MRTFA: variants seen among roughly 807,000 people sequenced by gnomAD.
MRTFA encodes myocardin related transcription factor A.
Under a neutral mutation model 83.5 loss-of-function variants are expected in MRTFA, and 20 were observed. The ratio of observed to expected loss-of-function variants is 0.24; its 90% CI spans 0.17 to 0.35. The LOEUF (loss-of-function observed/expected upper bound fraction) is 0.35, where lower values mean the gene tolerates loss of function less well. Among genes scored for constraint, MRTFA ranks in the 10% least tolerant of loss-of-function variants. The probability of loss-of-function intolerance (pLI) is 1.00; values close to 1 mark genes in which losing one functional copy is unlikely to be tolerated. For synonymous variants in MRTFA, 659 were observed against 541.2 expected (o/e 1.22, Z -3.02); for missense variants, 1,200 against 1,224.7 (o/e 0.98, Z 0.30).
At chr22:40,543,277 A>G (rs1439081924) in intron 3 of MRTFA, among the ~76,000 whole-genome samples, 1 of 152,212 alleles carries the variant, frequency 6.6e-6, no homozygotes, top group Non-Finnish European at 1.5e-5. Context: ...TACTTCTCCC[A>G]GCAATTAATT....
intron 1 of MRTFA, among the ~76,000 whole-genome samples, chr22:40,615,541 G>A (rs565530707): frequency 1.3e-5 from 2 of 152,144 alleles, no homozygotes; most frequent in African/African-American, 4.8e-5. Context: ...ACAATCTTTA[G>A]ATTATTTGGG....
chr22:40,572,480 T>C, intron 2 of MRTFA, among the ~76,000 whole-genome samples: 1 of 149,312 alleles, frequency 6.7e-6, no homozygotes, highest in East Asian at 2.0e-4. Flanking sequence ...AATGAAACCC[T>C]ATCTCTTAAA....
At chr22:40,591,601 A>ACCC (rs1376797624) in intron 2 of MRTFA, among the ~76,000 whole-genome samples, 7 of 152,206 alleles carry the variant, frequency 4.6e-5, no homozygotes, top group African/African-American at 1.7e-4. Flanking sequence ...GAAATGTAAT[A>ACCC]CTGGAGTGGG....
intron 3 of MRTFA, among the ~76,000 whole-genome samples, chr22:40,467,484 T>A (rs1451216402): frequency 1.3e-5 from 2 of 152,210 alleles, no homozygotes; most frequent in Non-Finnish European, 2.9e-5. Flanking sequence ...AAAATGACTT[T>A]ACATTTCCAG....
intron 2 of MRTFA, among the ~76,000 whole-genome samples, chr22:40,558,810 T>C (rs1602427570): frequency 7.0e-6 from 1 of 143,402 alleles, no homozygotes; most frequent in Non-Finnish European, 1.5e-5. Context: ...TTTTTTTTTT[T>C]GAGACAGTCT....
Position 40,411,399 on chromosome 22 carries a change from G to A in MRTFA, c.3087C>T (p.Ser1029=). ...GTCTTGAGCCAGAGAGCTACAAGCA[G>A]GAATCCCAGTGCAGCTGCAAATCAT... The change falls in exon 15 of 15, where the codon TCC becomes TCT. Residue 1029 remains serine, a synonymous_variant. Coordinates refer to ENST00000355630, the MANE Select transcript of MRTFA (RefSeq NM_020831.6). The A allele has an allele frequency of 6.4e-7, 1 of 1,556,658 alleles. No individual in the cohort carries two copies. Among genetic ancestry groups the A allele is most frequent in the South Asian group, 1.2e-5 (1 of 83,736 alleles).
chr22:40,633,187 T>C (rs1351443748), intron 1 of MRTFA, among the ~76,000 whole-genome samples: 2 of 152,240 alleles, frequency 1.3e-5, no homozygotes, highest in Non-Finnish European at 2.9e-5. Flanking sequence ...TGTTTGTCAA[T>C]TGCAACTATC....
chr22:40,410,497 A>T lies in MRTFA; in HGVS notation c.*893T>A. ...CCTGTCCTAGGGCCACGCTGGCTGC[A>T]GTGAGGCGGCGGGGACGGAATGTGA... On this transcript the variant is annotated 3_prime_UTR_variant, in exon 15 of 15. Transcript: ENST00000355630. 1 of 233,254 alleles carries T rather than the reference A, an allele frequency of 4.3e-6. No individual in the cohort carries two copies. Among genetic ancestry groups the T allele is most frequent in the Non-Finnish European group, 8.5e-6 (1 of 117,784 alleles). The allele number at this position is 233,254 out of a possible 1,614,324, so 14.4% of individuals were successfully genotyped here.
chr22:40,473,489 G>T (rs1454274248), intron 3 of MRTFA, among the ~76,000 whole-genome samples: 1 of 152,082 alleles, frequency 6.6e-6, no homozygotes, highest in Admixed American at 6.5e-5. Flanking sequence ...GTTTCGGATG[G>T]TATTTCCTTA....
rs1480655615 is a variant in MRTFA, at chr22:40,420,645, C to T, written c.1182-69G>A. The T allele has an allele frequency of 3.8e-6, 6 of 1,579,190 alleles. No individual in the cohort carries two copies. The African/African-American group carries it at 8.1e-5, about 21-fold the overall frequency. ...TGGCCTCTGCAGGTGGCAGCCCAAG[C>T]CTGGGCAGCAGGATTGGGTACAGAT... is the stretch of plus-strand genomic sequence containing the variant. On this transcript the variant is annotated intron_variant, in intron 10 of 14. Transcript: ENST00000355630.
intron 9 of MRTFA, among the ~76,000 whole-genome samples, chr22:40,422,870 G>T (rs1310458053): frequency 6.6e-6 from 1 of 152,194 alleles, no homozygotes; most frequent in Non-Finnish European, 1.5e-5. Context: ...GAGAGCCTGG[G>T]GAATAAGAAA....
chr22:40,514,311 T>C (rs367883117), intron 3 of MRTFA, among the ~76,000 whole-genome samples: 2 of 152,110 alleles, frequency 1.3e-5, no homozygotes, highest in African/African-American at 2.4e-5. Flanking sequence ...GAGAAACCTC[T>C]GATTCAACTC....
rs199908950 is a variant in MRTFA at position 40,418,963 on chromosome 22, G to A, written c.1775C>T (p.Ser592Leu). The change falls in exon 12 of 15, where the codon TCG becomes TTG. Residue 592 changes from serine to leucine, a missense_variant. This residue lies in a region of MRTFA where 1,107 missense variants were observed against 1,041.8 expected (regional missense o/e 1.06). Transcript: ENST00000355630. ...CTCCTTCACGAGGATCTGCAGTGGCGAGGCCTGCAGGGTCAGCTGCGTCAG... is the reference window on the plus strand; with the variant it reads ...CTCCTTCACGAGGATCTGCAGTGGCAAGGCCTGCAGGGTCAGCTGCGTCAG... 1.2e-5 allele frequency: 19 copies of A among 1,612,768 alleles called. No individual in the cohort carries two copies. The highest frequency in any genetic ancestry group is 3.3e-4 in the Middle Eastern group (2 of 6,084).
chr22:40,419,972 G>A (rs533618041), intron 11 of MRTFA, among the ~76,000 whole-genome samples: 10 of 152,300 alleles, frequency 6.6e-5, no homozygotes, highest in South Asian at 4.1e-4. Context: ...GGGAAAATGC[G>A]GGCAGGGTTG....
intron 4 of MRTFA, among the ~76,000 whole-genome samples, chr22:40,455,072 C>A (rs2053558659): frequency 6.6e-6 from 1 of 152,180 alleles, no homozygotes; most frequent in African/African-American, 2.4e-5. Flanking sequence ...TGTGCTGGGA[C>A]TGCAAATGTG....
chr22:40,450,622 A>AT (rs55638738), intron 4 of MRTFA, among the ~76,000 whole-genome samples: 142,140 of 146,172 alleles, frequency 0.97, 69,141 homozygotes, highest in East Asian at 1. Flanking sequence ...CAGCTGGCTA[A>AT]TTTTTTTTTT....
At chr22:40,555,849 C>T (rs929492542) in intron 2 of MRTFA, among the ~76,000 whole-genome samples, 1 of 151,836 alleles carries the variant, frequency 6.6e-6, no homozygotes, top group Admixed American at 6.6e-5. Context: ...CAATGTTAGC[C>T]AGGATGGTCT....
chr22:40,485,070 CAAA>C (rs60665723), intron 3 of MRTFA, among the ~76,000 whole-genome samples: 2 of 114,922 alleles, frequency 1.7e-5, no homozygotes, highest in Non-Finnish European at 1.9e-5. Flanking sequence ...GACTCCGTCT[CAAA>C]AAAAAAAAAA....
chr22:40,608,593 AGGACTCAACCTCAG>A (rs1338168557), intron 1 of MRTFA, among the ~76,000 whole-genome samples: 1 of 152,220 alleles, frequency 6.6e-6, no homozygotes, highest in Non-Finnish European at 1.5e-5. Flanking sequence ...TGAGGAAACC[AGGACTCAACCTCAG>A]GTCTGTTTGA....
Sources: gnomAD v4.1 joint callset for allele counts (sites outside exome capture counted in the v4.1 genomes callset) on GRCh38, gnomAD v4.1.1 for gene constraint, gnomAD v4.1.1 regional missense constraint, MANE v1.5 for transcripts, NCBI Gene and HGNC (gene_info 2026-07-23, HGNC 2026-07-21) for gene names.